The following CSDC2 variants were observed in gnomAD, a reference collection of about 807,000 sequenced individuals.
The protein encoded by CSDC2 is cold shock domain-containing protein C2.
In CSDC2, 8 loss-of-function variants were observed where a neutral mutation model predicts 15.8. That is an observed-to-expected ratio of 0.51 (90% CI 0.30 to 0.92). The LOEUF is 0.92. CSDC2 is among the 40% of genes least tolerant of loss of function. The pLI is 0.07. For missense variants in CSDC2, 195 were observed against 213.3 expected (o/e 0.91, Z 0.53); for synonymous variants, 96 against 92.3 (o/e 1.04, Z -0.23).
At chr22:41,573,398 A>G (rs1218934187) in intron 2 of CSDC2, among the ~76,000 whole-genome samples, 2 of 151,504 alleles carry the variant, frequency 1.3e-5, no homozygotes, top group Non-Finnish European at 2.9e-5. Flanking sequence ...GAGTCTCCCT[A>G]TGTTGTCCAG....
intron 2 of CSDC2, 138 bp downstream of exon 2, chr22:41,572,279 T>A: frequency 1.6e-6 from 1 of 636,328 alleles, no homozygotes; most frequent in Non-Finnish European, 2.3e-6. Context: ...GGATGGATGT[T>A]TGTCCCATAC....
chr22:41,568,142 T>TTTTTTTTTTTTTTTG (rs2067126199), intron 1 of CSDC2, among the ~76,000 whole-genome samples: 1 of 148,460 alleles, frequency 6.7e-6, no homozygotes, highest in African/African-American at 2.5e-5. Flanking sequence ...CTCTTTTTTT[T>TTTTTTTTTTTTTTTG]GAGACTGGGT....
At chr22:41,569,073 G>C (rs1166266666) in intron 1 of CSDC2, among the ~76,000 whole-genome samples, 1 of 152,220 alleles carries the variant, frequency 6.6e-6, no homozygotes, top group East Asian at 1.9e-4. Context: ...CCAGGCCTGG[G>C]AAAACTGCAG....
At chr22:41,562,036 G>A (rs889925475) in intron 1 of CSDC2, among the ~76,000 whole-genome samples, 1 of 152,226 alleles carries the variant, frequency 6.6e-6, no homozygotes. Context: ...TCTTCCCAGG[G>A]AGAGGGGAGG....
At chr22:41,562,158 G>A (rs2067089502) in intron 1 of CSDC2, among the ~76,000 whole-genome samples, 1 of 152,098 alleles carries the variant, frequency 6.6e-6, no homozygotes, top group Non-Finnish European at 1.5e-5. Context: ...ACCTCTCTGA[G>A]AGCCTGGCAT....
intron 2 of CSDC2, among the ~76,000 whole-genome samples, chr22:41,572,387 CCCATCCATCCAT>C (rs1464431257): frequency 3.9e-4 from 15 of 38,712 alleles, no homozygotes; most frequent in African/African-American, 1.7e-3. Flanking sequence ...CACCCACCCA[CCCATCCATCCAT>C]CCATCCATCC....
intron 1 of CSDC2, among the ~76,000 whole-genome samples, chr22:41,570,225 C>T (rs1488051351): frequency 6.6e-6 from 1 of 152,186 alleles, no homozygotes; most frequent in African/African-American, 2.4e-5. Context: ...GGTTGAGGGT[C>T]TGTGAGGCAA....
intron 1 of CSDC2, among the ~76,000 whole-genome samples, chr22:41,571,559 C>T (rs1057468946): frequency 6.6e-6 from 1 of 152,160 alleles, no homozygotes; most frequent in Non-Finnish European, 1.5e-5. Flanking sequence ...AAACAACTGA[C>T]CCTTATGCCG....
intron 1 of CSDC2, among the ~76,000 whole-genome samples, chr22:41,567,153 G>A (rs988227711): frequency 1.3e-5 from 2 of 152,162 alleles, no homozygotes; most frequent in African/African-American, 2.4e-5. Flanking sequence ...CAGTTTCTCT[G>A]CTCTTGGGGG....
At chr22:41,572,645 C>G (rs879302620) in intron 2 of CSDC2, among the ~76,000 whole-genome samples, 1 of 152,062 alleles carries the variant, frequency 6.6e-6, no homozygotes, top group Non-Finnish European at 1.5e-5. Flanking sequence ...GGGGTGAGGA[C>G]CCAGCATGGG....
At chr22:41,572,347 C>CCATCCAT (rs2067149675) in intron 2 of CSDC2, among the ~76,000 whole-genome samples, 2 of 39,760 alleles carry the variant, frequency 5.0e-5, no homozygotes, top group African/African-American at 2.0e-4. Flanking sequence ...CATCCATCCA[C>CCATCCAT]CCACCCACCC....
Position 41,576,039 on chromosome 22 carries a change from C to T in CSDC2, c.*1144C>T, listed in dbSNP as rs928352612. On this transcript the variant is annotated 3_prime_UTR_variant, in exon 4 of 4. Transcript: ENST00000306149. ...AGGAGGGCCCTGTCTGCCTCCACCT[C>T]TGGGTGCACCCCCTGCCTACCACCC... is the stretch of plus-strand genomic sequence containing the variant. 6.6e-6 allele frequency: 1 copy of T among 152,264 alleles called. No individual in the cohort carries two copies. Among genetic ancestry groups the T allele is most frequent in the African/African-American group, 2.4e-5 (1 of 41,456 alleles). 9.4% of individuals were successfully genotyped at this position (152,264 alleles called of 1,614,324 possible).
In CSDC2 at chr22:41,572,109, T is replaced by A. The variant is rs1437108125; in HGVS notation, c.144T>A (p.Pro48=). 2 of 1,348,858 alleles carry A rather than the reference T, an allele frequency of 1.5e-6. No individual in the cohort carries two copies. The highest frequency in any genetic ancestry group is 1.9e-6 in the Non-Finnish European group (2 of 1,045,200). 83.6% of individuals were successfully genotyped at this position (1,348,858 alleles called of 1,614,324 possible). ...TCCCACCTCGGGACCTACCCAGCCC[T>A]CTGCCCACCAAGCGGACCAGGACCT... ...GGVPPRDLPS[P]LPTKRTRTYS... Residue 48 remains proline (P), a synonymous_variant, in exon 2 of 4, where the codon CCT becomes CCA. Coordinates refer to ENST00000306149, the MANE Select transcript of CSDC2 (RefSeq NM_014460.4).
rs1297967598 is a variant in CSDC2, at chr22:41,574,881, G to T, written c.448G>T (p.Val150Phe). Residue 150 changes from valine to phenylalanine, a missense_variant, in exon 4 of 4, where the codon GTC (valine) becomes TTC (phenylalanine). Transcript: ENST00000306149. Reference sequence around the variant, plus strand: ...TCCCCACGAGACGTGGTCTGGCCAGGTCGTGGGCTCCTAGGCTGAGTGGTT... The same window carrying T: ...TCCCCACGAGACGTGGTCTGGCCAGTTCGTGGGCTCCTAGGCTGAGTGGTT... ...HTPHETWSGQ[V>F]VGS 1.9e-6 allele frequency: 3 copies of T among 1,597,692 alleles called. No individual in the cohort carries two copies.
chr22:41,564,193 GGTCA>G (rs1310777128), intron 1 of CSDC2, among the ~76,000 whole-genome samples: 1 of 152,018 alleles, frequency 6.6e-6, no homozygotes, highest in African/African-American at 2.4e-5. Context: ...CTTGGCACAT[GGTCA>G]GTATCAATAG....
intron 1 of CSDC2, among the ~76,000 whole-genome samples, chr22:41,565,986 G>A (rs575331422): frequency 6.6e-6 from 1 of 152,250 alleles, no homozygotes; most frequent in South Asian, 2.1e-4. Flanking sequence ...AGCCCCATTT[G>A]ACAGATGAGG....
intron 1 of CSDC2, among the ~76,000 whole-genome samples, chr22:41,565,114 C>T (rs1039601222): frequency 1.3e-5 from 2 of 150,924 alleles, no homozygotes; most frequent in Admixed American, 6.6e-5. Context: ...TTCAGTGAGC[C>T]GAGATCGCGC....
Position 41,574,947 on chromosome 22 carries a change from G to A in CSDC2, c.*52G>A. 6.5e-7 allele frequency: 1 copy of A among 1,538,106 alleles called. No homozygotes were observed. The highest frequency in any genetic ancestry group is 8.8e-7 in the Non-Finnish European group (1 of 1,140,574). ...CGGGGGTTGGGGAGCCACACAGGGT[G>A]AACGGGCAGCAGCCGGCTCCATGCC... is the stretch of plus-strand genomic sequence containing the variant. On this transcript the variant is annotated 3_prime_UTR_variant, in exon 4 of 4. Transcript: ENST00000306149.
chr22:41,576,276 C>T lies in CSDC2; in HGVS notation c.*1381C>T, dbSNP rs1268550059. The T allele has an allele frequency of 6.6e-6, 1 of 152,362 alleles. No homozygotes were observed. The highest frequency in any genetic ancestry group is 1.5e-5 in the Non-Finnish European group (1 of 68,186). The allele number at this position is 152,362 out of a possible 1,614,324, so 9.4% of individuals were successfully genotyped here. A position where few individuals can be genotyped will look rare whatever the true frequency, so the allele number is the denominator to read the frequency against. On this transcript the variant is annotated 3_prime_UTR_variant, in exon 4 of 4. Transcript: ENST00000306149. ...GGGTAGAAATCAGCCGGGATGCCTGCATCCCACCCCCGGCCCCAGGGCCCA... is the reference window on the plus strand; with the variant it reads ...GGGTAGAAATCAGCCGGGATGCCTGTATCCCACCCCCGGCCCCAGGGCCCA...
Sources: allele counts gnomAD v4.1 joint callset (sites outside exome capture counted in the v4.1 genomes callset), GRCh38; gene constraint gnomAD v4.1.1; transcripts MANE v1.5; gene names NCBI Gene and HGNC (gene_info 2026-07-23, HGNC 2026-07-21).